DOK5: variants seen among roughly 807,000 people sequenced by gnomAD.
DOK5 encodes docking protein 5.
DOK5 carries 27 observed loss-of-function variants against 43.3 expected under a neutral mutation model. The observed-to-expected ratio is 0.62, with a 90% CI of 0.46 to 0.86. DOK5 has a LOEUF of 0.86. DOK5 is among the 40% of genes least tolerant of loss of function. The probability of loss-of-function intolerance (pLI) is 0.00; values close to 1 mark genes in which losing one functional copy is unlikely to be tolerated. For synonymous variants in DOK5, 146 were observed against 140.1 expected, an observed-to-expected ratio of 1.04 and a Z score of -0.30; for missense variants, 373 against 392.9, an observed-to-expected ratio of 0.95 and a Z score of 0.43.
chr20:54,515,697 A>G (rs897914094), intron 1 of DOK5, among the ~76,000 whole-genome samples: 1 of 152,198 alleles, frequency 6.6e-6, no homozygotes, highest in East Asian at 1.9e-4. Flanking sequence ...CAGAGAGTTA[A>G]TTTGTTTACC....
rs187331955 is a variant in DOK5, at chr20:54,496,594, C to T, written c.66+20582C>T. Reference sequence around the variant, plus strand: ...CATCCTGGCCAACACGGTGAAACCCCGTCTCTACTAAAAATACAAAAATTA... The same window carrying T: ...CATCCTGGCCAACACGGTGAAACCCTGTCTCTACTAAAAATACAAAAATTA... On this transcript the variant is annotated intron_variant, in intron 1 of 7. Transcript: ENST00000262593. 2.7e-4 allele frequency among the ~76,000 whole-genome samples: 41 copies of T among 151,800 alleles called. 1 individual carries two copies. In the East Asian group the frequency reaches 5.5e-3, roughly 20 times the overall value.
Position 54,555,028 on chromosome 20 carries a change from G to C in DOK5, c.162G>C (p.Arg54Ser). The C allele has an allele frequency of 1.2e-6, 2 of 1,611,778 alleles. No individual in the cohort carries two copies. The highest frequency in any genetic ancestry group is 1.7e-6 in the Non-Finnish European group (2 of 1,177,908). Residue 54 changes from arginine (R) to serine (S), a missense_variant, in exon 2 of 8, where the codon AGG (arginine) becomes AGC (serine). Physicochemically the swap from Arg to Ser is moderately radical, Grantham distance 110. Transcript: ENST00000262593. ...CTGATGAACGTGCTGCATATTTCAG[G>C]TGTTATCATAAGGTAAGACTCAATT... The part of the protein sequence containing the change: ...KFSDERAAYF[R>S]CYHKVTELNN...
At chr20:54,639,597 T>G (rs1284241252) in intron 6 of DOK5, among the ~76,000 whole-genome samples, 1 of 149,792 alleles carries the variant, frequency 6.7e-6, no homozygotes, top group Non-Finnish European at 1.5e-5. Context: ...TTTTTACTTG[T>G]TAATGTGAAG....
At chr20:54,603,877 T>G (rs1219626231) in intron 5 of DOK5, among the ~76,000 whole-genome samples, 1 of 151,950 alleles carries the variant, frequency 6.6e-6, no homozygotes, top group Non-Finnish European at 1.5e-5. Flanking sequence ...GTCATAGTGT[T>G]GTTGGCCTTG....
At chr20:54,477,478 T>A (rs1655304216) in intron 1 of DOK5, among the ~76,000 whole-genome samples, 1 of 152,248 alleles carries the variant, frequency 6.6e-6, no homozygotes, top group African/African-American at 2.4e-5. Flanking sequence ...TGCCAAAGTT[T>A]CCTTGGTTTT....
intron 6 of DOK5, among the ~76,000 whole-genome samples, chr20:54,630,937 C>A (rs1978535511): frequency 6.6e-6 from 1 of 151,154 alleles, no homozygotes. Flanking sequence ...TTGTGGTCAG[C>A]AGGAAAAAAA....
At chr20:54,588,438 C>A in intron 2 of DOK5, 45 bp from the exon 3 acceptor site, 1 of 1,520,862 alleles carries the variant, frequency 6.6e-7, no homozygotes, top group Non-Finnish European at 9.1e-7. Context: ...ATACTGGAGA[C>A]ATTCATTCAG....
chr20:54,501,327 CGTG>C (rs1354424691), intron 1 of DOK5, among the ~76,000 whole-genome samples: 2 of 151,488 alleles, frequency 1.3e-5, no homozygotes, highest in East Asian at 3.9e-4. Flanking sequence ...ATTAGCTGGG[CGTG>C]GTGGTGGGCG....
intron 1 of DOK5, among the ~76,000 whole-genome samples, chr20:54,507,646 A>ATGGTC (rs1164026312): frequency 5.9e-5 from 9 of 152,158 alleles, no homozygotes; most frequent in African/African-American, 1.2e-4. Flanking sequence ...TTTAGACTGA[A>ATGGTC]TGGTCAGGGG....
chr20:54,641,266 C>CA (rs1260871246), intron 6 of DOK5, among the ~76,000 whole-genome samples: 1 of 152,056 alleles, frequency 6.6e-6, no homozygotes, highest in African/African-American at 2.4e-5. Context: ...ATGATAGGGA[C>CA]AGGGAATTCG....
At chr20:54,514,884 C>T (rs570012776) in intron 1 of DOK5, among the ~76,000 whole-genome samples, 20 of 152,052 alleles carry the variant, frequency 1.3e-4, no homozygotes, top group Admixed American at 3.3e-4. Flanking sequence ...TTCCTCCTTC[C>T]ATCCTTCTTT....
intron 2 of DOK5, among the ~76,000 whole-genome samples, chr20:54,581,937 A>G (rs1253635994): frequency 6.6e-6 from 1 of 151,962 alleles, no homozygotes; most frequent in African/African-American, 2.4e-5. Context: ...TGTTGAATAA[A>G]TGTGGTGATA....
At chr20:54,545,341 C>T (rs941098275) in intron 1 of DOK5, among the ~76,000 whole-genome samples, 1 of 152,144 alleles carries the variant, frequency 6.6e-6, no homozygotes, top group Admixed American at 6.6e-5. Context: ...TTATATCAAC[C>T]CACACCATTT....
chr20:54,496,122 A>T (rs576665803), intron 1 of DOK5, among the ~76,000 whole-genome samples: 2 of 152,350 alleles, frequency 1.3e-5, no homozygotes, highest in East Asian at 3.9e-4. Flanking sequence ...TGAATATTAT[A>T]AAGATGAAGA....
chr20:54,645,965 G>A (rs1979400819), intron 7 of DOK5, among the ~76,000 whole-genome samples: 3 of 124,412 alleles, frequency 2.4e-5, no homozygotes, highest in African/African-American at 3.4e-5. Context: ...AAGATACTGA[G>A]TGCCTCTGTG....
chr20:54,582,690 C>T (rs1985679586), intron 2 of DOK5, among the ~76,000 whole-genome samples: 1 of 151,790 alleles, frequency 6.6e-6, no homozygotes. Flanking sequence ...TATCATCATT[C>T]ATGGTAGTCT....
At chr20:54,539,903 G>A (rs1042021053) in intron 1 of DOK5, among the ~76,000 whole-genome samples, 2 of 152,224 alleles carry the variant, frequency 1.3e-5, no homozygotes, top group Non-Finnish European at 2.9e-5. Context: ...AGACGTGAAG[G>A]AGGAAAAGGA....
intron 1 of DOK5, among the ~76,000 whole-genome samples, chr20:54,501,251 A>C (rs1335897140): frequency 6.6e-6 from 1 of 151,730 alleles, no homozygotes; most frequent in Non-Finnish European, 1.5e-5. Context: ...GTGGATCAGG[A>C]GGTCAGGAGA....
chr20:54,580,525 T>A (rs1232979442), intron 2 of DOK5, among the ~76,000 whole-genome samples: 2 of 152,092 alleles, frequency 1.3e-5, no homozygotes, highest in Admixed American at 6.5e-5. Flanking sequence ...CTTTTAGGTC[T>A]GTGGGGTTGT....
Sources: allele counts gnomAD v4.1 joint callset (sites outside exome capture counted in the v4.1 genomes callset), GRCh38; gene constraint gnomAD v4.1.1; transcripts MANE v1.5; gene names NCBI Gene and HGNC (gene_info 2026-07-23, HGNC 2026-07-21).